Variants in ANKRD17 observed in about 807,000 individuals in gnomAD.
The protein encoded by ANKRD17 is ankyrin repeat domain-containing protein 17.
Under a neutral mutation model 229.7 loss-of-function variants are expected in ANKRD17, and 19 were observed. The ratio of observed to expected loss-of-function variants is 0.08; its 90% CI spans 0.06 to 0.12. The LOEUF is 0.12. Among genes scored for constraint, ANKRD17 ranks in the 10% least tolerant of loss-of-function variants. The pLI is 1.00. For missense variants in ANKRD17, 2,176 were observed against 3,176.8 expected (o/e 0.68, Z 7.57); for synonymous variants, 1,112 against 1,146.1 (o/e 0.97, Z 0.60).
intron 2 of ANKRD17, among the ~76,000 whole-genome samples, chr4:73,174,370 T>A (rs2148979575): frequency 6.6e-6 from 1 of 152,300 alleles, no homozygotes; most frequent in South Asian, 2.1e-4. Flanking sequence ...AAACATTTGA[T>A]GAAATCCAGC....
At chr4:73,190,008 G>A (rs920553319) in intron 1 of ANKRD17, among the ~76,000 whole-genome samples, 1 of 152,162 alleles carries the variant, frequency 6.6e-6, no homozygotes, top group Admixed American at 6.5e-5. Flanking sequence ...AAAAGTACGT[G>A]ATTAAAGACA....
intron 24 of ANKRD17, among the ~76,000 whole-genome samples, chr4:73,104,782 T>C (rs1193353110): frequency 1.3e-5 from 2 of 152,096 alleles, no homozygotes; most frequent in African/African-American, 4.8e-5. Context: ...GGAGAATTTT[T>C]TTTAAAAGAA....
At position 73,213,871 on chromosome 4, in the gene ANKRD17, C is replaced by T. The variant is rs549389956; in HGVS notation, c.394-36338G>A. On this transcript the variant is annotated intron_variant, in intron 1 of 33. Coordinates refer to ENST00000358602, the MANE Select transcript of ANKRD17 (RefSeq NM_032217.5). ...AAATAAGAGAAAGAACTTCTCTTGA[C>T]CAGATGAAAACCAAAGTGATACCTG... Among the ~76,000 whole-genome samples the T allele has an allele frequency of 2.6e-5, 4 of 152,006 alleles. No homozygotes were observed. In the South Asian group the frequency reaches 8.3e-4, roughly 32 times the overall value.
intron 1 of ANKRD17, chr4:73,223,181 G>A (rs1742085953): frequency 1.6e-6 from 1 of 644,920 alleles, no homozygotes; most frequent in Admixed American, 3.3e-5. Flanking sequence ...TACCAAAAGA[G>A]CAGGGGGTGA....
chr4:73,181,125 T>A (rs1161980068), intron 1 of ANKRD17, among the ~76,000 whole-genome samples: 2 of 152,182 alleles, frequency 1.3e-5, no homozygotes, highest in African/African-American at 4.8e-5. Context: ...GTAATCACAA[T>A]AAATACATCT....
chr4:73,255,540 G>A (rs549292105), intron 1 of ANKRD17, among the ~76,000 whole-genome samples: 2 of 152,256 alleles, frequency 1.3e-5, no homozygotes, highest in East Asian at 3.9e-4. Context: ...CCTAGCTCCA[G>A]AAAGTTAGGC....
intron 22 of ANKRD17, among the ~76,000 whole-genome samples, chr4:73,116,482 T>A (rs1465431283): frequency 6.6e-6 from 1 of 152,138 alleles, no homozygotes; most frequent in Non-Finnish European, 1.5e-5. Flanking sequence ...TAAACGCCAT[T>A]CCCACTTTGT....
chr4:73,250,756 G>A (rs1744945642), intron 1 of ANKRD17, among the ~76,000 whole-genome samples: 1 of 151,598 alleles, frequency 6.6e-6, no homozygotes, highest in African/African-American at 2.4e-5. Context: ...GCCCAGACTG[G>A]AGTGCAAGGG....
intron 2 of ANKRD17, among the ~76,000 whole-genome samples, chr4:73,164,769 G>T (rs1578242179): frequency 6.6e-6 from 1 of 151,192 alleles, no homozygotes; most frequent in African/African-American, 2.4e-5. Flanking sequence ...TCCAGGCTGG[G>T]CGACAAAATG....
chr4:73,085,194 T>C (rs1322771709), intron 30 of ANKRD17, 55 bp downstream of exon 30: 9 of 1,553,390 alleles, frequency 5.8e-6, no homozygotes, highest in Non-Finnish European at 7.1e-6. Context: ...TGAAACCTGC[T>C]GTTTTTAAGA....
chr4:73,077,143 T>C, intron 32 of ANKRD17, 39 bp from the exon 33 acceptor site: 2 of 1,514,742 alleles, frequency 1.3e-6, no homozygotes, highest in South Asian at 1.3e-5. Flanking sequence ...ATCCAAGTCA[T>C]TGTTCATTTT....
intron 1 of ANKRD17, among the ~76,000 whole-genome samples, chr4:73,248,976 T>C (rs1044954656): frequency 3.9e-5 from 6 of 151,910 alleles, no homozygotes; most frequent in Admixed American, 1.3e-4. Context: ...GAGACAACAA[T>C]GGGGTCAAAG....
intron 2 of ANKRD17, among the ~76,000 whole-genome samples, chr4:73,171,986 TA>T (rs1173830809): frequency 4.6e-5 from 7 of 152,094 alleles, no homozygotes; most frequent in Non-Finnish European, 1.0e-4. Context: ...AAGAAAGTGA[TA>T]GGGGTAGAAA....
chr4:73,239,252 A>C (rs764130884), intron 1 of ANKRD17, among the ~76,000 whole-genome samples: 1 of 152,162 alleles, frequency 6.6e-6, no homozygotes, highest in Non-Finnish European at 1.5e-5. Flanking sequence ...CACACAATAA[A>C]ATGTCAGTTA....
chr4:73,183,628 C>T (rs1735881377), intron 1 of ANKRD17, among the ~76,000 whole-genome samples: 1 of 152,006 alleles, frequency 6.6e-6, no homozygotes, highest in Non-Finnish European at 1.5e-5. Context: ...CGCATGATAC[C>T]AGGCCCACCT....
chr4:73,172,198 C>A (rs1488987904), intron 2 of ANKRD17, among the ~76,000 whole-genome samples: 1 of 152,168 alleles, frequency 6.6e-6, no homozygotes, highest in African/African-American at 2.4e-5. Context: ...AAATAAAATA[C>A]AATGGGGCTC....
intron 28 of ANKRD17, 94 bp downstream of exon 28, chr4:73,093,985 A>C (rs955116484): frequency 2.5e-6 from 3 of 1,214,814 alleles, no homozygotes; most frequent in African/African-American, 3.0e-5. Context: ...TATACTATGT[A>C]ACACAAAGTT....
intron 1 of ANKRD17, among the ~76,000 whole-genome samples, chr4:73,187,464 A>T (rs981445749): frequency 1.3e-5 from 2 of 152,238 alleles, no homozygotes; most frequent in African/African-American, 2.4e-5. Context: ...AGGCCGAGTC[A>T]CATTTCGGCT....
intron 3 of ANKRD17, among the ~76,000 whole-genome samples, chr4:73,157,429 G>C (rs1299895173): frequency 2.0e-5 from 3 of 152,118 alleles, no homozygotes; most frequent in Non-Finnish European, 1.5e-5. Context: ...AAATTAAACT[G>C]AGAGAAAAGT....
Sources: gnomAD v4.1 joint callset for allele counts (sites outside exome capture counted in the v4.1 genomes callset) on GRCh38, gnomAD v4.1.1 for gene constraint, MANE v1.5 for transcripts, NCBI Gene and HGNC (gene_info 2026-07-23, HGNC 2026-07-21) for gene names.